Variants in PEBP4 observed in about 807,000 individuals in gnomAD.
PEBP4 encodes phosphatidylethanolamine binding protein 4, also known as phosphatidylethanolamine-binding protein 4.
A neutral mutation model predicts 23.9 loss-of-function variants in PEBP4; 22 were observed. That is an observed-to-expected ratio of 0.92 (90% CI 0.66 to 1.31). PEBP4 has a LOEUF of 1.31. Among genes scored for constraint, PEBP4 ranks in the 40% most tolerant of loss-of-function variants. The pLI is 0.00. For synonymous variants in PEBP4, 112 were observed against 99.3 expected (o/e 1.13, Z -0.76); for missense variants, 324 against 281.7 (o/e 1.15, Z -1.07).
At chr8:22,718,500 A>T (rs1804456313) in intron 6 of PEBP4, among the ~76,000 whole-genome samples, 1 of 152,112 alleles carries the variant, frequency 6.6e-6, no homozygotes, top group Non-Finnish European at 1.5e-5. Context: ...CTTCTTGAGG[A>T]GGTCCGCCTG....
At chr8:22,898,845 G>C (rs1186778291) in intron 3 of PEBP4, among the ~76,000 whole-genome samples, 4 of 152,204 alleles carry the variant, frequency 2.6e-5, no homozygotes, top group Admixed American at 2.0e-4. Flanking sequence ...GCTGGGTCCT[G>C]AGGAGGCCCC....
At chr8:22,755,641 T>G (rs1279590071) in intron 4 of PEBP4, 1 of 152,142 alleles carries the variant, frequency 6.6e-6, no homozygotes, top group African/African-American at 2.4e-5. Context: ...GGGGCAAAAT[T>G]GTATACTCTT....
intron 3 of PEBP4, among the ~76,000 whole-genome samples, chr8:22,851,662 CCT>C (rs1176576476): frequency 7.9e-5 from 12 of 152,092 alleles, no homozygotes; most frequent in East Asian, 7.7e-4. Flanking sequence ...GCAGAAAAAT[CCT>C]CTCTCTTTTG....
intron 3 of PEBP4, among the ~76,000 whole-genome samples, chr8:22,846,431 C>T (rs1380411862): frequency 6.6e-6 from 1 of 152,146 alleles, no homozygotes; most frequent in African/African-American, 2.4e-5. Context: ...CTTGGTCAAG[C>T]CATCATGGGA....
At chr8:22,878,406 C>T (rs1043839154) in intron 3 of PEBP4, among the ~76,000 whole-genome samples, 5 of 152,136 alleles carry the variant, frequency 3.3e-5, no homozygotes, top group African/African-American at 1.2e-4. Flanking sequence ...AGTGGGAGGG[C>T]TCTGAGAGGT....
At chr8:22,809,848 C>A (rs548465040) in intron 4 of PEBP4, among the ~76,000 whole-genome samples, 2 of 152,310 alleles carry the variant, frequency 1.3e-5, no homozygotes, top group African/African-American at 4.8e-5. Context: ...CCAGGAGAGA[C>A]AATATGCCAG....
At chr8:22,895,551 A>C (rs761360959) in intron 3 of PEBP4, 4 of 152,104 alleles carry the variant, frequency 2.6e-5, no homozygotes, top group Non-Finnish European at 4.4e-5. Context: ...AGGTTCTCTG[A>C]GTATCTTGGA....
chr8:22,937,364 T>G (rs1489679762), intron 1 of PEBP4, among the ~76,000 whole-genome samples: 3 of 152,050 alleles, frequency 2.0e-5, no homozygotes, highest in Admixed American at 6.6e-5. Flanking sequence ...CAGAATAAAC[T>G]AGGAATAAAC....
At chr8:22,864,471 A>C (rs1429037710) in intron 3 of PEBP4, among the ~76,000 whole-genome samples, 1 of 152,178 alleles carries the variant, frequency 6.6e-6, no homozygotes, top group Non-Finnish European at 1.5e-5. Flanking sequence ...TGGTGAAGAT[A>C]GAACCACCAA....
At chr8:22,732,400 G>C (rs2128749481) in intron 4 of PEBP4, among the ~76,000 whole-genome samples, 1 of 152,180 alleles carries the variant, frequency 6.6e-6, no homozygotes. Flanking sequence ...ACAACTGGAG[G>C]GCCCATGGTG....
At chr8:22,851,082 G>A (rs1242871485) in intron 3 of PEBP4, among the ~76,000 whole-genome samples, 4 of 152,180 alleles carry the variant, frequency 2.6e-5, no homozygotes, top group African/African-American at 7.2e-5. Flanking sequence ...ATCGAGAGGC[G>A]GGGGACCTGG....
intron 3 of PEBP4, among the ~76,000 whole-genome samples, chr8:22,848,212 G>T (rs1807479981): frequency 6.6e-6 from 1 of 152,174 alleles, no homozygotes. Context: ...GTTAACAGAT[G>T]ATTAAAGATG....
At chr8:22,824,954 G>T (rs1438010099) in intron 3 of PEBP4, among the ~76,000 whole-genome samples, 1 of 152,192 alleles carries the variant, frequency 6.6e-6, no homozygotes, top group Non-Finnish European at 1.5e-5. Flanking sequence ...CCTGCTGTAG[G>T]GTGAGTCTGC....
intron 3 of PEBP4, among the ~76,000 whole-genome samples, chr8:22,823,034 G>A (rs1306518036): frequency 6.6e-6 from 1 of 151,928 alleles, no homozygotes; most frequent in Non-Finnish European, 1.5e-5. Flanking sequence ...AAATAGGGAT[G>A]ATAATAATTT....
intron 4 of PEBP4, among the ~76,000 whole-genome samples, chr8:22,799,066 T>C (rs967184979): frequency 6.6e-6 from 1 of 152,082 alleles, no homozygotes; most frequent in Admixed American, 6.6e-5. Flanking sequence ...CTGGATACAA[T>C]AAAAATACTG....
At chr8:22,828,480 G>A (rs911784924) in intron 3 of PEBP4, among the ~76,000 whole-genome samples, 3 of 152,102 alleles carry the variant, frequency 2.0e-5, no homozygotes, top group Admixed American at 6.6e-5. Flanking sequence ...CCTGCATCCT[G>A]TCTCTCCAGC....
intron 4 of PEBP4, among the ~76,000 whole-genome samples, chr8:22,816,860 A>G (rs1806751537): frequency 6.6e-6 from 1 of 152,200 alleles, no homozygotes; most frequent in African/African-American, 2.4e-5. Context: ...GAACAAAAGG[A>G]TTCAATAATC....
intron 5 of PEBP4, among the ~76,000 whole-genome samples, chr8:22,726,437 G>A (rs1311331112): frequency 1.3e-5 from 2 of 152,236 alleles, no homozygotes; most frequent in Admixed American, 6.5e-5. Flanking sequence ...TTGTGCAATG[G>A]AGAATTTATC....
chr8:22,742,781 C>T (rs975786508), intron 4 of PEBP4, among the ~76,000 whole-genome samples: 1 of 152,098 alleles, frequency 6.6e-6, no homozygotes, highest in Admixed American at 6.5e-5. Context: ...CCTTTTTCCA[C>T]CCCGGTTCAT....
Sources: gnomAD v4.1 joint callset for allele counts (sites outside exome capture counted in the v4.1 genomes callset) on GRCh38, gnomAD v4.1.1 for gene constraint, MANE v1.5 for transcripts, NCBI Gene and HGNC (gene_info 2026-07-23, HGNC 2026-07-21) for gene names.